Variants in CPA6 observed in about 807,000 individuals in gnomAD.
CPA6 encodes the protein carboxypeptidase A6.
Under a neutral mutation model 63.3 loss-of-function variants are expected in CPA6, and 58 were observed. The observed-to-expected ratio is 0.92, with a 90% CI of 0.74 to 1.14. The LOEUF is 1.14. Ranked by LOEUF, CPA6 falls within the 50% of genes most tolerant of loss-of-function variation. The pLI is 0.00. For missense variants in CPA6, 565 were observed against 526.6 expected, an observed-to-expected ratio of 1.07 and a Z score of -0.71; for synonymous variants, 185 against 179.0, an observed-to-expected ratio of 1.03 and a Z score of -0.27.
chr8:67,498,535 C>CA (rs397940852), intron 6 of CPA6, among the ~76,000 whole-genome samples: 4,793 of 32,692 alleles, frequency 0.15, 574 homozygotes, highest in Non-Finnish European at 0.21. Flanking sequence ...GACTCCATCT[C>CA]AAAAAAAAAA....
At chr8:67,587,562 T>C (rs910807208) in intron 2 of CPA6, among the ~76,000 whole-genome samples, 1 of 152,164 alleles carries the variant, frequency 6.6e-6, no homozygotes, top group Non-Finnish European at 1.5e-5. Flanking sequence ...TCAGGTAATG[T>C]CACGTCATCA....
At chr8:67,508,965 G>T (rs1293292171) in intron 5 of CPA6, among the ~76,000 whole-genome samples, 1 of 152,126 alleles carries the variant, frequency 6.6e-6, no homozygotes, top group East Asian at 1.9e-4. Context: ...GGCTGGGGAG[G>T]CCTCAGGAAA....
intron 8 of CPA6, among the ~76,000 whole-genome samples, chr8:67,473,783 T>C (rs1208455730): frequency 2.0e-5 from 3 of 152,120 alleles, no homozygotes; most frequent in African/African-American, 7.2e-5. Context: ...TTTTGTATTT[T>C]TTTGTAGAGA....
At chr8:67,634,103 T>C (rs1452409935) in intron 1 of CPA6, among the ~76,000 whole-genome samples, 1 of 147,684 alleles carries the variant, frequency 6.8e-6, no homozygotes, top group African/African-American at 2.7e-5. Flanking sequence ...GTGTTTTTCC[T>C]AATCCACTAG....
chr8:67,538,333 G>T (rs1812631929), intron 2 of CPA6, among the ~76,000 whole-genome samples: 1 of 152,060 alleles, frequency 6.6e-6, no homozygotes, highest in Non-Finnish European at 1.5e-5. Flanking sequence ...TTTCTTTGTA[G>T]GTCTCTAAGA....
chr8:67,666,093 T>C (rs892536779), intron 1 of CPA6, among the ~76,000 whole-genome samples: 2 of 152,212 alleles, frequency 1.3e-5, no homozygotes, highest in African/African-American at 4.8e-5. Flanking sequence ...CTGTTCCTTC[T>C]GGTAGGATGG....
intron 2 of CPA6, among the ~76,000 whole-genome samples, chr8:67,543,466 TTC>T (rs1812748245): frequency 6.6e-6 from 1 of 152,198 alleles, no homozygotes; most frequent in Non-Finnish European, 1.5e-5. Context: ...ACTGCTCAAT[TTC>T]TGTTTGACAA....
At chr8:67,662,876 G>C (rs1020068759) in intron 1 of CPA6, among the ~76,000 whole-genome samples, 5 of 152,142 alleles carry the variant, frequency 3.3e-5, no homozygotes, top group Admixed American at 3.3e-4. Context: ...TGAACAAAGC[G>C]GTTTCTTAAC....
chr8:67,443,564 T>TA (rs1329277928), intron 8 of CPA6, among the ~76,000 whole-genome samples: 2 of 152,194 alleles, frequency 1.3e-5, no homozygotes, highest in Non-Finnish European at 2.9e-5. Context: ...GTTTTTAGTA[T>TA]ATTTATCGAG....
intron 2 of CPA6, among the ~76,000 whole-genome samples, chr8:67,605,536 T>C (rs943047918): frequency 2.1e-5 from 2 of 94,872 alleles, no homozygotes; most frequent in African/African-American, 1.1e-4. Flanking sequence ...TATTGCTTTT[T>C]TTTTTTTTTT....
chr8:67,453,663 A>G (rs1178597582), intron 8 of CPA6, among the ~76,000 whole-genome samples: 1 of 150,998 alleles, frequency 6.6e-6, no homozygotes, highest in Non-Finnish European at 1.5e-5. Flanking sequence ...TAGGGAAAAA[A>G]GAGGACCAAC....
At chr8:67,613,038 T>C (rs1814850517) in intron 2 of CPA6, among the ~76,000 whole-genome samples, 1 of 152,244 alleles carries the variant, frequency 6.6e-6, no homozygotes, top group South Asian at 2.1e-4. Context: ...GGTGAGGCTC[T>C]AATGGAAGAC....
intron 2 of CPA6, among the ~76,000 whole-genome samples, chr8:67,620,400 G>A (rs932709569): frequency 1.3e-5 from 2 of 152,168 alleles, no homozygotes; most frequent in Non-Finnish European, 2.9e-5. Flanking sequence ...TTCAGGGCAT[G>A]TACACCAGAG....
intron 8 of CPA6, among the ~76,000 whole-genome samples, chr8:67,440,562 C>T (rs142387991): frequency 1.3e-5 from 2 of 152,016 alleles, no homozygotes; most frequent in African/African-American, 4.8e-5. Flanking sequence ...CAGAGAAAGA[C>T]CCTATCTCAA....
chr8:67,518,034 T>C lies in CPA6; in HGVS notation c.206A>G (p.Gln69Arg), dbSNP rs1316350887. Residue 69 changes from glutamine (Q) to arginine (R), a missense_variant, in exon 3 of 11, where the codon CAG becomes CGG. By Grantham distance (43) the Gln-to-Arg change is conservative. Coordinates refer to ENST00000297770, the MANE Select transcript of CPA6 (RefSeq NM_020361.5). ...TGATACATAGGAGATACTGCTGGGCTGCCACAGGTCCACCTGTAGTGCAGG... is the reference window on the plus strand; with the variant it reads ...TGATACATAGGAGATACTGCTGGGCCGCCACAGGTCCACCTGTAGTGCAGG... ...ISYQLKVDLW[Q>R]PSSISYVSEG... is the part of the protein sequence containing the mutation. 6.3e-7 allele frequency: 1 copy of C among 1,598,492 alleles called. No homozygotes were observed. Among genetic ancestry groups the C allele is most frequent in the Non-Finnish European group, 8.5e-7 (1 of 1,174,052 alleles).
chr8:67,430,790 C>G (rs182464809), intron 9 of CPA6, among the ~76,000 whole-genome samples: 1 of 152,126 alleles, frequency 6.6e-6, no homozygotes, highest in Non-Finnish European at 1.5e-5. Context: ...AGCATCCCCC[C>G]ACCCTGTTGT....
chr8:67,712,565 C>A (rs1305197673), intron 1 of CPA6, among the ~76,000 whole-genome samples: 1 of 152,118 alleles, frequency 6.6e-6, no homozygotes, highest in East Asian at 1.9e-4. Flanking sequence ...GAGCATGAAT[C>A]CTCATAAGGG....
chr8:67,577,126 A>G (rs1813647603), intron 2 of CPA6, among the ~76,000 whole-genome samples: 2 of 152,118 alleles, frequency 1.3e-5, no homozygotes, highest in Admixed American at 6.6e-5. Flanking sequence ...AAGTGCTAGG[A>G]TTATAGGCCT....
intron 2 of CPA6, among the ~76,000 whole-genome samples, chr8:67,552,700 G>A (rs1288822805): frequency 2.7e-5 from 4 of 147,512 alleles, no homozygotes; most frequent in Non-Finnish European, 4.4e-5. Context: ...ATGAACCCGG[G>A]AGGCAGAGCT....
Sources: gnomAD v4.1 joint callset for allele counts (sites outside exome capture counted in the v4.1 genomes callset) on GRCh38, gnomAD v4.1.1 for gene constraint, MANE v1.5 for transcripts, NCBI Gene and HGNC (gene_info 2026-07-23, HGNC 2026-07-21) for gene names.